The following TOX variants were observed in gnomAD, a reference collection of about 807,000 sequenced individuals.
The protein encoded by TOX is thymocyte selection-associated high mobility group box protein TOX.
Under a neutral mutation model 53.7 loss-of-function variants are expected in TOX, and 11 were observed. The observed-to-expected ratio is 0.20, with a 90% CI of 0.13 to 0.34. TOX has a LOEUF of 0.34. Among genes scored for constraint, TOX ranks in the 10% least tolerant of loss-of-function variants. The pLI, the probability that TOX is intolerant of heterozygous loss-of-function variation, is 1.00. For synonymous variants in TOX, 225 were observed against 245.3 expected, an observed-to-expected ratio of 0.92 and a Z score of 0.77; for missense variants, 570 against 664.6, an observed-to-expected ratio of 0.86 and a Z score of 1.56.
intron 3 of TOX, among the ~76,000 whole-genome samples, chr8:58,930,682 C>G (rs971880935): frequency 6.6e-6 from 1 of 152,164 alleles, no homozygotes; most frequent in Non-Finnish European, 1.5e-5. Flanking sequence ...CAACCATACC[C>G]CTACACATGC....
chr8:58,902,482 C>T (rs1258162316), intron 3 of TOX, among the ~76,000 whole-genome samples: 1 of 152,126 alleles, frequency 6.6e-6, no homozygotes. Flanking sequence ...AAGGGAAGCA[C>T]CTCATTTGAG....
Position 58,827,093 on chromosome 8 carries a change from G to GA in TOX, c.925-192dup, listed in dbSNP as rs199556197. ...AGAAGTATGGCAATAGACTAGAAAA[G>GA]AAAAAAAAAGTTAGCAACAGTAAAA... is the stretch of plus-strand genomic sequence containing the variant. On this transcript the variant is annotated intron_variant, in intron 5 of 8. Transcript: ENST00000361421. Among the ~76,000 whole-genome samples the GA allele has an allele frequency of 7.2e-3, 1,074 of 150,018 alleles. 7 individuals carry two copies. Among genetic ancestry groups the GA allele is most frequent in the Non-Finnish European group, 0.01 (693 of 67,454 alleles).
intron 2 of TOX, among the ~76,000 whole-genome samples, chr8:58,956,640 T>C (rs1284455604): frequency 1.3e-5 from 2 of 152,198 alleles, no homozygotes; most frequent in African/African-American, 4.8e-5. Flanking sequence ...CTTGCTCTGT[T>C]GCCCAGGCTA....
chr8:58,946,439 G>T (rs747171701), intron 2 of TOX, among the ~76,000 whole-genome samples: 3 of 152,110 alleles, frequency 2.0e-5, no homozygotes, highest in Non-Finnish European at 4.4e-5. Flanking sequence ...CATGAACAAG[G>T]GTTGATAGCT....
At chr8:58,998,171 AAAG>A (rs1053685174) in intron 1 of TOX, among the ~76,000 whole-genome samples, 1 of 151,982 alleles carries the variant, frequency 6.6e-6, no homozygotes, top group African/African-American at 2.4e-5. Flanking sequence ...TTAATATGAG[AAAG>A]AAGATTAGCC....
At chr8:58,996,905 C>T (rs1813570164) in intron 1 of TOX, among the ~76,000 whole-genome samples, 1 of 152,148 alleles carries the variant, frequency 6.6e-6, no homozygotes, top group Non-Finnish European at 1.5e-5. Flanking sequence ...CCAAGACAGT[C>T]CCCATTTCAG....
Position 58,838,217 on chromosome 8 carries a change from T to C in TOX, c.788A>G (p.Lys263Arg). 6.2e-7 allele frequency: 1 copy of C among 1,614,198 alleles called. No individual in the cohort carries two copies. Among genetic ancestry groups the C allele is most frequent in the Non-Finnish European group, 8.5e-7 (1 of 1,180,012 alleles). The change falls in exon 5 of 9, where the codon AAG becomes AGG. Residue 263 changes from lysine (K) to arginine (R), a missense_variant. Physicochemically the swap from Lys to Arg is conservative, Grantham distance 26. Transcript: ENST00000361421. ...GAATAACGCATAGGCAGACACAGGC[T>C]TCTGGGGCTCATTGGGATCCTTCTT... ...KKKKDPNEPQ[K>R]PVSAYALFFR...
intron 7 of TOX, among the ~76,000 whole-genome samples, chr8:58,811,392 T>G (rs1810072526): frequency 6.6e-6 from 1 of 152,248 alleles, no homozygotes; most frequent in South Asian, 2.1e-4. Flanking sequence ...ATTAATTTGA[T>G]GTCAGAAGGG....
intron 3 of TOX, among the ~76,000 whole-genome samples, chr8:58,883,389 C>T (rs1181135237): frequency 6.6e-6 from 1 of 152,192 alleles, no homozygotes; most frequent in Non-Finnish European, 1.5e-5. Flanking sequence ...CATTATGTGG[C>T]CTACTAAAAC....
In TOX at chr8:59,117,633, A is replaced by C. The variant is rs1805128515; in HGVS notation, c.102+1253T>G. On this transcript the variant is annotated intron_variant, in intron 1 of 8. Coordinates refer to ENST00000361421, the MANE Select transcript of TOX (RefSeq NM_014729.3). The surrounding 1 kb of genome is among the most constrained non-coding windows in gnomAD (Gnocchi z 4.6). ...CCAGGGCTGAGAAGGCAGCGCACTA[A>C]ATATCTCTGTATCAGGTAAAAAAGC... 6.6e-6 allele frequency among the ~76,000 whole-genome samples: 1 copy of C among 152,224 alleles called. No homozygotes were observed. Among genetic ancestry groups the C allele is most frequent in the Non-Finnish European group, 1.5e-5 (1 of 68,048 alleles).
At chr8:59,039,848 T>A (rs535780230) in intron 1 of TOX, among the ~76,000 whole-genome samples, 17 of 152,206 alleles carry the variant, frequency 1.1e-4, no homozygotes, top group Non-Finnish European at 2.2e-4. Context: ...TTAAATAATT[T>A]TTTTTAAGTA....
intron 3 of TOX, among the ~76,000 whole-genome samples, chr8:58,922,496 T>A (rs1563390040): frequency 6.6e-6 from 1 of 152,324 alleles, no homozygotes; most frequent in South Asian, 2.1e-4. Flanking sequence ...AATGACTTTT[T>A]AATTTATTAT....
chr8:58,814,311 C>T (rs1810135321), intron 7 of TOX: 1 of 152,054 alleles, frequency 6.6e-6, no homozygotes, highest in Non-Finnish European at 1.5e-5. Context: ...ATCCTTATAG[C>T]TTGGAGAACA....
intron 2 of TOX, among the ~76,000 whole-genome samples, chr8:58,957,966 G>T (rs1013724572): frequency 6.6e-6 from 1 of 152,088 alleles, no homozygotes; most frequent in Non-Finnish European, 1.5e-5. Flanking sequence ...TTTAGCTAAG[G>T]CCATTCAACT....
rs144480505 is a variant in TOX at position 58,937,607 on chromosome 8, A to T, written c.411+1695T>A. On this transcript the variant is annotated intron_variant, in intron 3 of 8. Coordinates refer to ENST00000361421, the MANE Select transcript of TOX (RefSeq NM_014729.3). ...TGACGTCTCTTAAAGGTGTATTGAGATGGATGTAGAAATGCTAAGGAGGGT... is the reference window on the plus strand; with the variant it reads ...TGACGTCTCTTAAAGGTGTATTGAGTTGGATGTAGAAATGCTAAGGAGGGT... Among the ~76,000 whole-genome samples, 20 of 152,328 alleles carry T rather than the reference A, an allele frequency of 1.3e-4. No individual in the cohort carries two copies. The East Asian group carries it at 3.9e-3, about 29-fold the overall frequency.
At chr8:58,827,071 A>G (rs1238274003) in intron 5 of TOX, among the ~76,000 whole-genome samples, 169 bp from the exon 6 acceptor site, 1 of 152,106 alleles carries the variant, frequency 6.6e-6, no homozygotes, top group Non-Finnish European at 1.5e-5. Context: ...ATTTTTAAGA[A>G]GTATGGCAAT....
At chr8:58,918,934 A>G (rs1194703658) in intron 3 of TOX, among the ~76,000 whole-genome samples, 2 of 151,966 alleles carry the variant, frequency 1.3e-5, no homozygotes, top group African/African-American at 4.8e-5. Flanking sequence ...GAGCCAAATC[A>G]TAAGTGAACT....
chr8:59,042,224 C>T lies in TOX; in HGVS notation c.102+76662G>A, dbSNP rs545978401. ...TGTTTGCACTGCATGTCAAGGAGCC[C>T]TGAGTATTGCCTGTCAAGAATCAGA... On this transcript the variant is annotated intron_variant, in intron 1 of 8. Coordinates refer to ENST00000361421, the MANE Select transcript of TOX (RefSeq NM_014729.3). Among the ~76,000 whole-genome samples, 3 of 152,270 alleles carry T rather than the reference C, an allele frequency of 2.0e-5. No individual in the cohort carries two copies. In the South Asian group the frequency reaches 6.2e-4, roughly 32 times the overall value.
Position 59,118,853 on chromosome 8 carries a change from A to C in TOX, c.102+33T>G. ...GCTCCCCTCCCAGGATCAAGCAGCA[A>C]GAACACGGTGGAAACAAAAGCAGAG... On this transcript the variant is annotated intron_variant, in intron 1 of 8. Transcript: ENST00000361421. This position sits in a 1 kb window ranked among gnomAD's most constrained non-coding sequence, Gnocchi z 4.1. 1 of 1,526,378 alleles carries C rather than the reference A, an allele frequency of 6.6e-7. No individual in the cohort carries two copies. The highest frequency in any genetic ancestry group is 8.9e-7 in the Non-Finnish European group (1 of 1,123,606). 94.6% of individuals were successfully genotyped at this position (1,526,378 alleles called of 1,614,324 possible). A position where few individuals can be genotyped will look rare whatever the true frequency, so the allele number is the denominator to read the frequency against.
Sources: gnomAD v4.1 joint callset for allele counts (sites outside exome capture counted in the v4.1 genomes callset) on GRCh38, gnomAD v4.1.1 for gene constraint, Gnocchi (gnomAD v3.1) non-coding constraint, MANE v1.5 for transcripts, NCBI Gene and HGNC (gene_info 2026-07-23, HGNC 2026-07-21) for gene names.